NRXN1: variants seen among roughly 807,000 people sequenced by gnomAD.
NRXN1 encodes the protein neurexin 1, also known as neurexin-1.
In NRXN1, 39 loss-of-function variants were observed where a neutral mutation model predicts 150.9. The observed-to-expected ratio is 0.26, with a 90% CI of 0.20 to 0.34. The LOEUF is 0.34. Ranked by LOEUF, NRXN1 falls within the 10% of genes least tolerant of loss-of-function variation. NRXN1 has a pLI of 1.00. For synonymous variants in NRXN1, 924 were observed against 757.0 expected, an observed-to-expected ratio of 1.22 and a Z score of -3.62; for missense variants, 1,815 against 1,949.9, an observed-to-expected ratio of 0.93 and a Z score of 1.30.
Position 50,091,016 on chromosome 2 carries a change from A to C in NRXN1, c.3718+307T>G, listed in dbSNP as rs75674586. Among the ~76,000 whole-genome samples, 502 of 152,280 alleles carry C rather than the reference A, an allele frequency of 3.3e-3. 5 individuals carry two copies. Among genetic ancestry groups the C allele is most frequent in the African/African-American group, 0.011 (477 of 41,558 alleles). On this transcript the variant is annotated intron_variant, in intron 19 of 22. Coordinates refer to ENST00000401669, the MANE Select transcript of NRXN1 (RefSeq NM_001330078.2). ...TTTGACAAAGCCTTTCCTTTGTTTAAATGCAAGGATCCAGTAAAAAGAGCT... is the reference window on the plus strand; with the variant it reads ...TTTGACAAAGCCTTTCCTTTGTTTACATGCAAGGATCCAGTAAAAAGAGCT...
chr2:50,721,005 G>A (rs1696570318), intron 5 of NRXN1, among the ~76,000 whole-genome samples: 1 of 152,178 alleles, frequency 6.6e-6, no homozygotes, highest in African/African-American at 2.4e-5. Context: ...CTGGGAGTCA[G>A]AGATTCTCCT....
chr2:50,372,865 T>C (rs1413187850), intron 17 of NRXN1, among the ~76,000 whole-genome samples: 1 of 151,990 alleles, frequency 6.6e-6, no homozygotes. Flanking sequence ...TACCAAATGC[T>C]CAGAAAAGAT....
intron 21 of NRXN1, among the ~76,000 whole-genome samples, chr2:50,006,885 C>T (rs59032342): frequency 0.47 from 71,730 of 151,984 alleles, 17,511 homozygotes; most frequent in Middle Eastern, 0.62. Context: ...ACTTCTGGAT[C>T]ATCAGAACGA....
Position 50,689,098 on chromosome 2 carries a change from T to C in NRXN1, c.833-65483A>G, listed in dbSNP as rs192467383. On this transcript the variant is annotated intron_variant, in intron 5 of 22. Coordinates refer to ENST00000401669, the MANE Select transcript of NRXN1 (RefSeq NM_001330078.2). ...AATTTATTCTATTTTAGGATATGCA[T>C]TGAGATCCACCTCAAAACCTTTTAA... is the stretch of plus-strand genomic sequence containing the variant. Among the ~76,000 whole-genome samples the C allele has an allele frequency of 3.8e-3, 575 of 152,264 alleles. 5 individuals carry two copies. Among genetic ancestry groups the C allele is most frequent in the Middle Eastern group, 0.024 (7 of 294 alleles).
At chr2:50,939,844 T>C (rs774280423) in intron 2 of NRXN1, among the ~76,000 whole-genome samples, 15 of 152,190 alleles carry the variant, frequency 9.9e-5, no homozygotes, top group Non-Finnish European at 1.6e-4. Context: ...AGTGCGGATG[T>C]ACATTTAGAA....
rs550105900 is a variant in NRXN1 at position 49,961,118 on chromosome 2, A to G, written c.4129-17327T>C. 9.2e-5 allele frequency among the ~76,000 whole-genome samples: 14 copies of G among 152,170 alleles called. No homozygotes were observed. In the South Asian group the frequency reaches 2.9e-3, roughly 32 times the overall value. On this transcript the variant is annotated intron_variant, in intron 21 of 22. Transcript: ENST00000401669. ...TATGTTCTTCATGTTTTCTAGCGAA[A>G]ACTTGCTGCAAATGATTCATCATGA...
At chr2:50,278,057 TTC>T (rs1282768993) in intron 17 of NRXN1, among the ~76,000 whole-genome samples, 4 of 113,926 alleles carry the variant, frequency 3.5e-5, no homozygotes, top group Admixed American at 1.1e-4. Flanking sequence ...ATCTTTTCCT[TTC>T]TCTCTCTCTT....
At chr2:50,264,675 A>T (rs916463749) in intron 17 of NRXN1, among the ~76,000 whole-genome samples, 6 of 151,870 alleles carry the variant, frequency 4.0e-5, no homozygotes, top group Admixed American at 1.3e-4. Context: ...AAATGAAGAA[A>T]CTCCCCCAGA....
At chr2:50,841,487 C>T (rs1280857033) in intron 5 of NRXN1, among the ~76,000 whole-genome samples, 1 of 152,186 alleles carries the variant, frequency 6.6e-6, no homozygotes, top group African/African-American at 2.4e-5. Context: ...GACAATGTTA[C>T]ATATGTATAC....
At chr2:51,027,285 C>G (rs537934182) in intron 2 of NRXN1, among the ~76,000 whole-genome samples, 2 of 152,284 alleles carry the variant, frequency 1.3e-5, no homozygotes, top group South Asian at 4.1e-4. Context: ...AGAAGGAACT[C>G]AAACTTGGAT....
At chr2:50,680,862 A>G (rs1690277721) in intron 5 of NRXN1, among the ~76,000 whole-genome samples, 1 of 152,168 alleles carries the variant, frequency 6.6e-6, no homozygotes, top group Non-Finnish European at 1.5e-5. Context: ...CATTTACAGT[A>G]AAATGACACT....
intron 5 of NRXN1, among the ~76,000 whole-genome samples, chr2:50,694,962 G>A (rs1055826984): frequency 6.6e-6 from 1 of 152,088 alleles, no homozygotes; most frequent in Admixed American, 6.6e-5. Flanking sequence ...TTATCTCATA[G>A]CCAAATCACC....
intron 18 of NRXN1, among the ~76,000 whole-genome samples, chr2:50,197,467 T>G (rs112452718): frequency 0.018 from 2,785 of 152,292 alleles, 38 homozygotes; most frequent in Non-Finnish European, 0.029. Context: ...ACCTTTTCAT[T>G]CACTTGAAAT....
At chr2:50,221,102 G>A (rs901984503) in intron 18 of NRXN1, among the ~76,000 whole-genome samples, 10 of 151,964 alleles carry the variant, frequency 6.6e-5, no homozygotes, top group Non-Finnish European at 1.3e-4. Flanking sequence ...TCTGTGCTGT[G>A]TGTCTTACCC....
At chr2:50,513,156 C>A (rs2092517660) in intron 12 of NRXN1, among the ~76,000 whole-genome samples, 1 of 152,096 alleles carries the variant, frequency 6.6e-6, no homozygotes, top group South Asian at 2.1e-4. Flanking sequence ...TATAACAAAT[C>A]TAATGTGTTT....
chr2:51,012,849 T>A (rs74834900), intron 2 of NRXN1, among the ~76,000 whole-genome samples: 1 of 151,878 alleles, frequency 6.6e-6, no homozygotes, highest in African/African-American at 2.4e-5. Context: ...AGTACTATAA[T>A]TTTTTTTCTC....
chr2:50,881,285 A>C (rs1350606825), intron 5 of NRXN1, among the ~76,000 whole-genome samples: 3 of 151,914 alleles, frequency 2.0e-5, no homozygotes, highest in Non-Finnish European at 1.5e-5. Flanking sequence ...TTCTGTCCTT[A>C]GAAAGCAAAG....
intron 8 of NRXN1, among the ~76,000 whole-genome samples, chr2:50,604,718 C>T (rs899466541): frequency 6.6e-6 from 1 of 152,136 alleles, no homozygotes; most frequent in East Asian, 1.9e-4. Flanking sequence ...GTCACCATCC[C>T]TATACTGCGT....
Position 50,277,217 on chromosome 2 carries a change from G to A in NRXN1, c.3365-40247C>T, listed in dbSNP as rs925883870. Among the ~76,000 whole-genome samples the A allele has an allele frequency of 4.6e-5, 7 of 152,144 alleles. No homozygotes were observed. The South Asian group carries it at 6.2e-4, about 14-fold the overall frequency. ...ACTCAGGAGCCACAAAACAACAGTC[G>A]CCTGTTAAGAATCCTATTAAGAATT... On this transcript the variant is annotated intron_variant, in intron 17 of 22. Coordinates refer to ENST00000401669, the MANE Select transcript of NRXN1 (RefSeq NM_001330078.2).
Sources: allele counts gnomAD v4.1 joint callset (sites outside exome capture counted in the v4.1 genomes callset), GRCh38; gene constraint gnomAD v4.1.1; transcripts MANE v1.5; gene names NCBI Gene and HGNC (gene_info 2026-07-23, HGNC 2026-07-21).